PDE11A: variants seen among roughly 807,000 people sequenced by gnomAD.
The protein encoded by PDE11A is phosphodiesterase 11A, also known as dual 3',5'-cyclic-AMP and -GMP phosphodiesterase 11A.
A neutral mutation model predicts 100.5 loss-of-function variants in PDE11A; 100 were observed. That is an observed-to-expected ratio of 1.00 (90% CI 0.85 to 1.18). The LOEUF is 1.18. PDE11A is among the 50% of genes most tolerant of loss of function. PDE11A has a pLI of 0.00. For missense variants in PDE11A, 1,141 were observed against 1,152.6 expected, an observed-to-expected ratio of 0.99 and a Z score of 0.15; for synonymous variants, 381 against 420.8, an observed-to-expected ratio of 0.91 and a Z score of 1.16.
At chr2:178,101,461 G>T (rs758879696) in intron 2 of PDE11A, among the ~76,000 whole-genome samples, 1 of 152,152 alleles carries the variant, frequency 6.6e-6, no homozygotes, top group African/African-American at 2.4e-5. Context: ...TTTAATTGGG[G>T]CTTCAATACA....
At chr2:178,034,341 T>C (rs960205645) in intron 1 of PDE11A, among the ~76,000 whole-genome samples, 6 of 152,208 alleles carry the variant, frequency 3.9e-5, no homozygotes, top group South Asian at 2.1e-4. Context: ...TAAATATATA[T>C]GTACCCAATA....
intron 5 of PDE11A, among the ~76,000 whole-genome samples, chr2:177,851,465 A>G (rs1267313324): frequency 3.3e-5 from 5 of 152,084 alleles, no homozygotes; most frequent in Non-Finnish European, 5.9e-5. Context: ...CAGCACACCA[A>G]CATGGCACAT....
At chr2:177,803,718 A>C (rs543432277) in intron 9 of PDE11A, among the ~76,000 whole-genome samples, 23 of 152,112 alleles carry the variant, frequency 1.5e-4, no homozygotes, top group Non-Finnish European at 2.8e-4. Flanking sequence ...ATCATCTCAA[A>C]ACATGCAGAA....
chr2:178,064,398 A>C (rs1441955260), intron 1 of PDE11A, among the ~76,000 whole-genome samples: 1 of 152,184 alleles, frequency 6.6e-6, no homozygotes, highest in Non-Finnish European at 1.5e-5. Flanking sequence ...GAATAAACAG[A>C]ATAACTTGAA....
chr2:178,009,217 T>C (rs764698860), intron 2 of PDE11A, among the ~76,000 whole-genome samples: 3 of 152,170 alleles, frequency 2.0e-5, no homozygotes, highest in Admixed American at 6.5e-5. Flanking sequence ...CACCCAGGAA[T>C]AACAAAGTAA....
Position 177,630,650 on chromosome 2 carries a change from T to G in PDE11A, c.2647-1088A>C, listed in dbSNP as rs532014345. Among the ~76,000 whole-genome samples, 119 of 152,354 alleles carry G rather than the reference T, an allele frequency of 7.8e-4. 2 individuals carry two copies. The highest frequency in any genetic ancestry group is 2.8e-3 in the African/African-American group (116 of 41,590). On this transcript the variant is annotated intron_variant, in intron 19 of 19. Transcript: ENST00000286063. ...TCTCTACTTTACTGATTATTTTCTTTCTTTTAAATGCATGAATATCTACAT... is the reference window on the plus strand; with the variant it reads ...TCTCTACTTTACTGATTATTTTCTTGCTTTTAAATGCATGAATATCTACAT...
chr2:177,944,676 G>C (rs944911873), intron 2 of PDE11A, among the ~76,000 whole-genome samples: 1 of 152,102 alleles, frequency 6.6e-6, no homozygotes, highest in African/African-American at 2.4e-5. Flanking sequence ...CCTCAGCTAC[G>C]ACTACCAGGT....
chr2:178,079,468 T>C (rs1490769891), intron 2 of PDE11A, among the ~76,000 whole-genome samples: 1 of 152,186 alleles, frequency 6.6e-6, no homozygotes, highest in African/African-American at 2.4e-5. Context: ...AAGTACATGA[T>C]CTTGTTCCTT....
intron 1 of PDE11A, chr2:178,018,592 CA>C: frequency 3.1e-6 from 1 of 317,638 alleles, no homozygotes; most frequent in Middle Eastern, 1.2e-3. Flanking sequence ...ATTGTTGAGA[CA>C]AAACTCTTTG....
chr2:178,088,206 TCATATTGATCACAAAGTGAAAAATG>T (rs919174169), intron 2 of PDE11A, among the ~76,000 whole-genome samples: 8 of 152,220 alleles, frequency 5.3e-5, no homozygotes, highest in African/African-American at 1.9e-4. Flanking sequence ...CTCAAGTTGA[TCATATTGATCACAAAGTGAAAAATG>T]CAAAGAAGAC....
intron 9 of PDE11A, among the ~76,000 whole-genome samples, chr2:177,775,880 T>C (rs1389937198): frequency 4.6e-5 from 7 of 152,198 alleles, no homozygotes; most frequent in Non-Finnish European, 7.3e-5. Context: ...ATCTTATTCA[T>C]CACCTGCCTC....
At chr2:178,082,837 G>A (rs1252490662) in intron 2 of PDE11A, among the ~76,000 whole-genome samples, 3 of 152,256 alleles carry the variant, frequency 2.0e-5, no homozygotes, top group Non-Finnish European at 2.9e-5. Flanking sequence ...TCAAGTGACT[G>A]GTTGTTATCA....
intron 9 of PDE11A, among the ~76,000 whole-genome samples, chr2:177,790,820 A>C (rs1177180433): frequency 6.6e-6 from 1 of 152,260 alleles, no homozygotes. Context: ...AGAAATGCAA[A>C]TCAAAACCAC....
intron 2 of PDE11A, among the ~76,000 whole-genome samples, chr2:177,967,078 T>A (rs2085707464): frequency 6.6e-6 from 1 of 152,158 alleles, no homozygotes; most frequent in African/African-American, 2.4e-5. Context: ...GGTTCATTCC[T>A]GTATGTTTCC....
chr2:178,073,426 T>C (rs1312403963), upstream of PDE11A, among the ~76,000 whole-genome samples: 1 of 152,086 alleles, frequency 6.6e-6, no homozygotes, highest in Non-Finnish European at 1.5e-5. Flanking sequence ...TAAAACACAG[T>C]ACAGAAAAAG....
intron 10 of PDE11A, among the ~76,000 whole-genome samples, chr2:177,759,637 A>C (rs563210514): frequency 1.3e-5 from 2 of 152,340 alleles, no homozygotes; most frequent in East Asian, 3.9e-4. Context: ...ATAGCCAATC[A>C]GACTGTAAGG....
chr2:177,824,880 A>G (rs550707717), intron 6 of PDE11A, among the ~76,000 whole-genome samples: 1 of 152,314 alleles, frequency 6.6e-6, no homozygotes, highest in African/African-American at 2.4e-5. Flanking sequence ...AGCATATTAT[A>G]TACATTGAAG....
chr2:177,736,395 G>A (rs536771033), intron 10 of PDE11A, among the ~76,000 whole-genome samples: 2 of 152,024 alleles, frequency 1.3e-5, no homozygotes, highest in Admixed American at 1.3e-4. Flanking sequence ...GTGGTGGTGG[G>A]CACCTGTAAT....
chr2:177,742,737 G>C (rs887419575), intron 10 of PDE11A, among the ~76,000 whole-genome samples: 1 of 152,214 alleles, frequency 6.6e-6, no homozygotes, highest in Non-Finnish European at 1.5e-5. Flanking sequence ...AGATGTGAAA[G>C]GGGACTTTCT....
Sources: gnomAD v4.1 joint callset for allele counts (sites outside exome capture counted in the v4.1 genomes callset) on GRCh38, gnomAD v4.1.1 for gene constraint, MANE v1.5 for transcripts, NCBI Gene and HGNC (gene_info 2026-07-23, HGNC 2026-07-21) for gene names.